RALGPS2: variants seen among roughly 807,000 people sequenced by gnomAD.
RALGPS2 encodes the protein ras-specific guanine nucleotide-releasing factor RalGPS2.
In RALGPS2, 43 loss-of-function variants were observed where a neutral mutation model predicts 86.8. The observed-to-expected ratio is 0.50, with a 90% confidence interval of 0.39 to 0.64. The LOEUF is 0.64. Among genes scored for constraint, RALGPS2 ranks in the 30% least tolerant of loss-of-function variants. The pLI is 0.00. For synonymous variants in RALGPS2, 243 were observed against 231.3 expected, an observed-to-expected ratio of 1.05 and a Z score of -0.46; for missense variants, 536 against 694.6, an observed-to-expected ratio of 0.77 and a Z score of 2.57.
chr1:178,865,379 A>G, intron 8 of RALGPS2: 1 of 1,614,082 alleles, frequency 6.2e-7, no homozygotes, highest in South Asian at 1.1e-5. Context: ...TTGCATATAG[A>G]GTTGAGTAAC....
At chr1:178,889,609 A>G in intron 13 of RALGPS2, 33 bp from the exon 14 acceptor site, 2 of 1,442,328 alleles carry the variant, frequency 1.4e-6, no homozygotes, top group Non-Finnish European at 1.9e-6. Context: ...GGTAATTCTG[A>G]TGTTTAAAAA....
chr1:178,815,752 A>G (rs1655196081), intron 6 of RALGPS2, among the ~76,000 whole-genome samples: 1 of 152,114 alleles, frequency 6.6e-6, no homozygotes, highest in South Asian at 2.1e-4. Flanking sequence ...GCATTTTCCC[A>G]AACAACATTT....
At chr1:178,727,330 G>A (rs1354715003) in intron 1 of RALGPS2, among the ~76,000 whole-genome samples, 1 of 152,016 alleles carries the variant, frequency 6.6e-6, no homozygotes, top group Non-Finnish European at 1.5e-5. Flanking sequence ...CTCCCAAGAA[G>A]CTGGGACTAC....
intron 8 of RALGPS2, among the ~76,000 whole-genome samples, chr1:178,839,993 T>G (rs1370348299): frequency 1.3e-5 from 2 of 152,152 alleles, no homozygotes; most frequent in Admixed American, 6.5e-5. Flanking sequence ...GCACCCAGAT[T>G]CATAAAGCAA....
At chr1:178,828,870 C>T (rs1483381709) in intron 7 of RALGPS2, among the ~76,000 whole-genome samples, 1 of 151,940 alleles carries the variant, frequency 6.6e-6, no homozygotes, top group Admixed American at 6.6e-5. Context: ...GGAGATTCCC[C>T]CAAAAATAAT....
chr1:178,814,719 G>C (rs994898707), intron 6 of RALGPS2, among the ~76,000 whole-genome samples: 4 of 152,176 alleles, frequency 2.6e-5, no homozygotes, highest in Admixed American at 6.5e-5. Flanking sequence ...CAAAGTGCTG[G>C]GATTACAAGT....
At chr1:178,876,155 G>A (rs1216563325) in intron 8 of RALGPS2, among the ~76,000 whole-genome samples, 1 of 152,098 alleles carries the variant, frequency 6.6e-6, no homozygotes. Context: ...TCTTTCTCTT[G>A]GAGTGCAAGA....
At chr1:178,763,855 G>A (rs2102069752) in intron 1 of RALGPS2, among the ~76,000 whole-genome samples, 1 of 152,006 alleles carries the variant, frequency 6.6e-6, no homozygotes, top group Admixed American at 6.6e-5. Context: ...TGGTATGAGA[G>A]TGTGCTTTGT....
chr1:178,880,812 T>C (rs1659212777), intron 10 of RALGPS2, among the ~76,000 whole-genome samples: 1 of 152,232 alleles, frequency 6.6e-6, no homozygotes, highest in East Asian at 1.9e-4. Flanking sequence ...TTGTGACTAC[T>C]GTAAAATTAT....
chr1:178,897,877 G>T, intron 17 of RALGPS2, 121 bp downstream of exon 17: 2 of 678,200 alleles, frequency 2.9e-6, no homozygotes, highest in Non-Finnish European at 2.5e-6. Flanking sequence ...CTATCTTCTA[G>T]TCCAAAAGTT....
At chr1:178,731,869 C>T (rs1445106471) in intron 1 of RALGPS2, among the ~76,000 whole-genome samples, 3 of 152,076 alleles carry the variant, frequency 2.0e-5, no homozygotes, top group Non-Finnish European at 4.4e-5. Context: ...TTGGGCAATA[C>T]AATCCATTAC....
chr1:178,860,550 T>C (rs577628457), intron 8 of RALGPS2, among the ~76,000 whole-genome samples: 1 of 152,284 alleles, frequency 6.6e-6, no homozygotes, highest in Non-Finnish European at 1.5e-5. Context: ...CCAGAACTCT[T>C]CATCTTGCAA....
intron 18 of RALGPS2, among the ~76,000 whole-genome samples, chr1:178,904,823 T>A (rs1299993361): frequency 6.6e-6 from 1 of 152,188 alleles, no homozygotes. Context: ...TTGCTTCGGC[T>A]GTGGTGGGCT....
At position 178,808,032 on chromosome 1, in the gene RALGPS2, C is replaced by G. The variant is rs773871887; in HGVS notation, c.214-13C>G. ...GCTATTACTTAAATTTAATTTTCAC[C>G]TTAATTTTCCAGGAGCTTTCAAGTT... is the stretch of plus-strand genomic sequence containing the variant. On this transcript the variant is annotated splice_polypyrimidine_tract_variant and intron_variant, in intron 4 of 19. Transcript: ENST00000367635. 2.5e-6 allele frequency: 4 copies of G among 1,572,382 alleles called. No individual in the cohort carries two copies. The Admixed American group carries it at 6.7e-5, about 26-fold the overall frequency.
chr1:178,765,223 CGGG>C (rs1652440366), intron 1 of RALGPS2, among the ~76,000 whole-genome samples: 1 of 150,950 alleles, frequency 6.6e-6, no homozygotes, highest in Non-Finnish European at 1.5e-5. Flanking sequence ...GGTGCAGTAT[CGGG>C]GGAATTTCAG....
At chr1:178,904,285 C>T (rs1477134413) in intron 18 of RALGPS2, among the ~76,000 whole-genome samples, 1 of 152,144 alleles carries the variant, frequency 6.6e-6, no homozygotes, top group Non-Finnish European at 1.5e-5. Context: ...TGAAGATTTT[C>T]TCCCACTCTA....
rs569779866 is a variant in RALGPS2, at chr1:178,865,693, A to C, written c.608-11805A>C. On this transcript the variant is annotated intron_variant, in intron 8 of 19. Transcript: ENST00000367635. Reference sequence around the variant, plus strand: ...GGTATCTTCTCTGGTTTATTTTTTTAATTTTGAATTGTCCACCTCTGCAAT... The same window carrying C: ...GGTATCTTCTCTGGTTTATTTTTTTCATTTTGAATTGTCCACCTCTGCAAT... The C allele has an allele frequency of 3.7e-6, 6 of 1,613,844 alleles. No homozygotes were observed. The South Asian group carries it at 6.6e-5, about 18-fold the overall frequency.
chr1:178,815,474 T>C (rs1655182196), intron 6 of RALGPS2, among the ~76,000 whole-genome samples: 1 of 152,334 alleles, frequency 6.6e-6, no homozygotes, highest in Non-Finnish European at 1.5e-5. Flanking sequence ...TTGTAGCTTG[T>C]CTTACCACTT....
rs544552011 is a variant in RALGPS2, at chr1:178,789,901, A to C, written c.213+4294A>C. ...GTCTGCCCAATGAGAGAGTGTTTTT[A>C]AAAATTGACAACAGTAACTATTGGA... On this transcript the variant is annotated intron_variant, in intron 4 of 19. Transcript: ENST00000367635. Among the ~76,000 whole-genome samples, 8 of 152,272 alleles carry C rather than the reference A, an allele frequency of 5.3e-5. No homozygotes were observed. The East Asian group carries it at 1.5e-3, about 29-fold the overall frequency.
Sources: gnomAD v4.1 joint callset for allele counts (sites outside exome capture counted in the v4.1 genomes callset) on GRCh38, gnomAD v4.1.1 for gene constraint, MANE v1.5 for transcripts, NCBI Gene and HGNC (gene_info 2026-07-23, HGNC 2026-07-21) for gene names.